XPO1: variants seen among roughly 807,000 people sequenced by gnomAD.
XPO1 encodes exportin 1.
Under a neutral mutation model 133.3 loss-of-function variants are expected in XPO1, and 5 were observed. The ratio of observed to expected loss-of-function variants is 0.04; its 90% CI spans 0.02 to 0.08. The LOEUF is 0.08. XPO1 is among the 10% of genes least tolerant of loss of function. The pLI, the probability that XPO1 is intolerant of heterozygous loss-of-function variation, is 1.00. For synonymous variants in XPO1, 419 were observed against 408.2 expected (o/e 1.03, Z -0.32); for missense variants, 506 against 1,267.5 (o/e 0.40, Z 9.12).
chr2:61,509,838 T>C (rs1036157355), intron 4 of XPO1, among the ~76,000 whole-genome samples: 8 of 152,120 alleles, frequency 5.3e-5, no homozygotes, highest in Non-Finnish European at 7.4e-5. Flanking sequence ...AAATTACAAA[T>C]AGGAAAAAGG....
chr2:61,525,763 G>C (rs1698883088), intron 3 of XPO1: 2 of 1,031,088 alleles, frequency 1.9e-6, no homozygotes, highest in Non-Finnish European at 1.2e-6. Context: ...TCTGGTTTCA[G>C]AAACAGATGT....
chr2:61,488,465 G>A, intron 18 of XPO1, 123 bp downstream of exon 18: 1 of 1,177,036 alleles, frequency 8.5e-7, no homozygotes, highest in Admixed American at 2.2e-5. Context: ...AATATGTCTA[G>A]GGTCATTTGG....
intron 19 of XPO1, 37 bp downstream of exon 19, chr2:61,488,128 A>C: frequency 6.4e-7 from 1 of 1,564,420 alleles, no homozygotes; most frequent in South Asian, 1.1e-5. Flanking sequence ...ACACAGCATC[A>C]ACACTAGAAA....
intron 22 of XPO1, 192 bp from the exon 23 acceptor site, chr2:61,482,731 G>A (rs1240065725): frequency 1.4e-5 from 10 of 729,396 alleles, no homozygotes; most frequent in South Asian, 4.1e-5. Context: ...TCAGCCTCCC[G>A]AATAGGTGGG....
intron 4 of XPO1, among the ~76,000 whole-genome samples, chr2:61,518,784 A>G (rs1257259122): frequency 6.6e-6 from 1 of 152,200 alleles, no homozygotes; most frequent in East Asian, 1.9e-4. Flanking sequence ...ACAAACAAAT[A>G]GACACACACT....
chr2:61,529,310 A>G (rs1386820617), intron 2 of XPO1, among the ~76,000 whole-genome samples: 1 of 152,250 alleles, frequency 6.6e-6, no homozygotes, highest in Admixed American at 6.5e-5. Flanking sequence ...ACCATTTCTG[A>G]CAAAGATACC....
chr2:61,493,351 A>G (rs1037979951), intron 12 of XPO1: 4 of 237,956 alleles, frequency 1.7e-5, no homozygotes, highest in Admixed American at 5.1e-5. Context: ...AAAACTAAAA[A>G]ATTTAAAATT....
chr2:61,507,554 G>C (rs1459662318), intron 4 of XPO1, among the ~76,000 whole-genome samples: 1 of 151,874 alleles, frequency 6.6e-6, no homozygotes, highest in Non-Finnish European at 1.5e-5. Context: ...CTGGGCAACA[G>C]AGGGGATCTC....
chr2:61,534,087 G>T, intron 1 of XPO1, 184 bp from the exon 2 acceptor site: 1 of 524,680 alleles, frequency 1.9e-6, no homozygotes, highest in Non-Finnish European at 3.0e-6. Context: ...TTAGCTATTT[G>T]ATAATTACAT....
chr2:61,492,500 T>C lies in XPO1; in HGVS notation c.1567-19A>G. On this transcript the variant is annotated intron_variant, in intron 14 of 24. Transcript: ENST00000401558. This position sits in a 1 kb window ranked among gnomAD's most constrained non-coding sequence, Gnocchi z 5.6. ...ATAGATCCTGTAAATAAGACAAATT[T>C]GTATTATTTATTGTAACAACATAAT... 1 of 1,588,842 alleles carries C rather than the reference T, an allele frequency of 6.3e-7. No individual in the cohort carries two copies. The highest frequency in any genetic ancestry group is 8.5e-7 in the Non-Finnish European group (1 of 1,171,344).
At chr2:61,484,154 G>T in intron 20 of XPO1, 49 bp from the exon 21 acceptor site, 1 of 1,515,912 alleles carries the variant, frequency 6.6e-7, no homozygotes, top group Non-Finnish European at 9.1e-7. Context: ...TCTTTGTTGT[G>T]CTAGACAGGA....
At chr2:61,529,970 A>T (rs1699082405) in intron 2 of XPO1, among the ~76,000 whole-genome samples, 1 of 152,196 alleles carries the variant, frequency 6.6e-6, no homozygotes, top group Non-Finnish European at 1.5e-5. Context: ...GATTTCATTA[A>T]AGGACTGATG....
intron 2 of XPO1, among the ~76,000 whole-genome samples, chr2:61,530,076 C>T (rs914171276): frequency 4.9e-4 from 74 of 152,164 alleles, no homozygotes; most frequent in African/African-American, 1.6e-3. Flanking sequence ...TTTTGGTCTT[C>T]TCCCTGAGAA....
At chr2:61,483,819 C>G in intron 21 of XPO1, 118 bp downstream of exon 21, 1 of 1,157,062 alleles carries the variant, frequency 8.6e-7, no homozygotes, top group Non-Finnish European at 1.2e-6. Context: ...CTCAGATGTT[C>G]ATATATGTAA....
At chr2:61,500,265 AC>A (rs1214521796) in intron 6 of XPO1, among the ~76,000 whole-genome samples, 1 of 151,628 alleles carries the variant, frequency 6.6e-6, no homozygotes, top group Non-Finnish European at 1.5e-5. Context: ...TGGGCAGATC[AC>A]TTGAGGCCAG....
Position 61,492,880 on chromosome 2 carries a change from A to G in XPO1, c.1384+35T>C, listed in dbSNP as rs747784357. 1 of 1,572,828 alleles carries G rather than the reference A, an allele frequency of 6.4e-7. No individual in the cohort carries two copies. Among genetic ancestry groups the G allele is most frequent in the Non-Finnish European group, 8.6e-7 (1 of 1,161,406 alleles). On this transcript the variant is annotated intron_variant, in intron 13 of 24. Coordinates refer to ENST00000401558, the MANE Select transcript of XPO1 (RefSeq NM_003400.4). The surrounding 1 kb of genome is among the most constrained non-coding windows in gnomAD (Gnocchi z 5.6). ...TGTATTTCCACCCCAGAATAGATTT[A>G]TAAAGGTAAAGATTAACAGTATTTA...
At chr2:61,487,615 A>T (rs902460646) in intron 19 of XPO1, among the ~76,000 whole-genome samples, 30 of 152,326 alleles carry the variant, frequency 2.0e-4, no homozygotes, top group Admixed American at 6.5e-4. Flanking sequence ...CCAAGGCTCA[A>T]TTGAATAACA....
At chr2:61,528,618 C>CTCCAACCT (rs1463935647) in intron 2 of XPO1, among the ~76,000 whole-genome samples, 16 of 149,002 alleles carry the variant, frequency 1.1e-4, no homozygotes, top group Non-Finnish European at 2.1e-4. Flanking sequence ...CCCCAGTGCA[C>CTCCAACCT]TCCAACCTGG....
chr2:61,504,519 A>C (rs989962447), intron 4 of XPO1, among the ~76,000 whole-genome samples: 7 of 152,370 alleles, frequency 4.6e-5, no homozygotes, highest in Middle Eastern at 3.4e-3. Flanking sequence ...TCACCAAATC[A>C]GTTAAATTAT....
Sources: gnomAD v4.1 joint callset for allele counts (sites outside exome capture counted in the v4.1 genomes callset) on GRCh38, gnomAD v4.1.1 for gene constraint, Gnocchi (gnomAD v3.1) non-coding constraint, MANE v1.5 for transcripts, NCBI Gene and HGNC (gene_info 2026-07-23, HGNC 2026-07-21) for gene names.